The following FAM107B variants were observed in gnomAD, a reference collection of about 807,000 sequenced individuals.
FAM107B encodes family with sequence similarity 107 member B.
Under a neutral mutation model 31.5 loss-of-function variants are expected in FAM107B, and 21 were observed. The observed-to-expected ratio is 0.67, with a 90% confidence interval of 0.47 to 0.96. FAM107B has a LOEUF of 0.96. Ranked by LOEUF, FAM107B falls within the 40% of genes least tolerant of loss-of-function variation. The pLI is 0.00. For missense variants in FAM107B, 452 were observed against 377.1 expected, an observed-to-expected ratio of 1.20 and a Z score of -1.64; for synonymous variants, 157 against 141.5, an observed-to-expected ratio of 1.11 and a Z score of -0.78.
chr10:14,603,072 C>T (rs1852456657), intron 2 of FAM107B, among the ~76,000 whole-genome samples: 1 of 151,536 alleles, frequency 6.6e-6, no homozygotes, highest in Admixed American at 6.6e-5. Context: ...AGCAAAGATG[C>T]CTTCATCCTT....
At chr10:14,723,109 G>A in intron 1 of FAM107B, 1 of 389,756 alleles carries the variant, frequency 2.6e-6, no homozygotes, top group Non-Finnish European at 5.0e-6. Context: ...TTAAGAGATT[G>A]ATGTTTATTT....
chr10:14,653,801 G>A (rs1040378381), intron 2 of FAM107B: 1 of 152,182 alleles, frequency 6.6e-6, no homozygotes, highest in East Asian at 1.9e-4. Flanking sequence ...ACGCCCACAA[G>A]CTTGAGGCTA....
intron 1 of FAM107B, among the ~76,000 whole-genome samples, chr10:14,700,144 G>C (rs1053629463): frequency 5.9e-5 from 9 of 152,218 alleles, no homozygotes; most frequent in African/African-American, 2.2e-4. Context: ...TGTTGACCAG[G>C]CTGGTCTCAA....
intron 1 of FAM107B, among the ~76,000 whole-genome samples, chr10:14,689,974 A>G (rs1855088652): frequency 6.7e-6 from 1 of 149,592 alleles, no homozygotes; most frequent in Admixed American, 6.7e-5. Context: ...AGAAATAGAA[A>G]GAAAAAAAGA....
intron 2 of FAM107B, among the ~76,000 whole-genome samples, chr10:14,541,622 C>T (rs908336792): frequency 1.3e-5 from 2 of 152,208 alleles, no homozygotes; most frequent in South Asian, 4.1e-4. Context: ...CCACTGGACG[C>T]CCCTTGCCTC....
At chr10:14,772,727 C>G (rs2688871) in intron 1 of FAM107B, among the ~76,000 whole-genome samples, 1 of 152,036 alleles carries the variant, frequency 6.6e-6, no homozygotes, top group Non-Finnish European at 1.5e-5. Flanking sequence ...ACGCTGTGGA[C>G]CACCCATGGC....
chr10:14,584,683 C>T (rs892196546), intron 2 of FAM107B, among the ~76,000 whole-genome samples: 3 of 152,124 alleles, frequency 2.0e-5, no homozygotes, highest in African/African-American at 7.2e-5. Flanking sequence ...AGGCAGGGAA[C>T]CTAAGGCCGA....
intron 1 of FAM107B, among the ~76,000 whole-genome samples, chr10:14,671,905 C>CAAAAAAAAAAAA (rs1564621080): frequency 7.3e-6 from 1 of 137,790 alleles, no homozygotes; most frequent in African/African-American, 2.9e-5. Flanking sequence ...AAAAAAAAAC[C>CAAAAAAAAAAAA]CTCTATTTCT....
chr10:14,532,923 G>A (rs537654281), intron 2 of FAM107B, among the ~76,000 whole-genome samples: 3 of 152,170 alleles, frequency 2.0e-5, no homozygotes, highest in African/African-American at 4.8e-5. Context: ...GATCAGCAGC[G>A]AGAAGAGCGC....
At chr10:14,741,809 C>T (rs1334224414) in intron 1 of FAM107B, among the ~76,000 whole-genome samples, 1 of 150,422 alleles carries the variant, frequency 6.6e-6, no homozygotes, top group Non-Finnish European at 1.5e-5. Flanking sequence ...CAAGCTCCGC[C>T]TCCTGGGTTC....
chr10:14,567,621 G>T (rs1564573882), intron 2 of FAM107B, among the ~76,000 whole-genome samples: 1 of 152,166 alleles, frequency 6.6e-6, no homozygotes, highest in African/African-American at 2.4e-5. Context: ...CCCCAGGAGA[G>T]TGAAGTAAGG....
At chr10:14,527,084 G>A (rs1267289555) in intron 3 of FAM107B, among the ~76,000 whole-genome samples, 3 of 151,496 alleles carry the variant, frequency 2.0e-5, no homozygotes, top group South Asian at 4.2e-4. Flanking sequence ...TGATCCACCC[G>A]CCTCGGCCTC....
chr10:14,689,578 A>C (rs1855078076), intron 1 of FAM107B, among the ~76,000 whole-genome samples: 1 of 152,106 alleles, frequency 6.6e-6, no homozygotes, highest in African/African-American at 2.4e-5. Context: ...GACACATGCC[A>C]GTTAGGTGGA....
intron 1 of FAM107B, among the ~76,000 whole-genome samples, chr10:14,722,487 A>G (rs1855934391): frequency 6.6e-6 from 1 of 151,968 alleles, no homozygotes; most frequent in Non-Finnish European, 1.5e-5. Context: ...AACATTTGTT[A>G]TTTATCTGTC....
chr10:14,572,911 C>T lies in FAM107B; in HGVS notation c.470-42396G>A, dbSNP rs144181736. On this transcript the variant is annotated intron_variant, in intron 2 of 4. Coordinates refer to ENST00000181796, the MANE Select transcript of FAM107B (RefSeq NM_031453.4). ...TGATCTCTGGGCTGAAGGATCCTCC[C>T]CTCTAAAACAAGGAGTTTCCTTCCA... Among the ~76,000 whole-genome samples the T allele has an allele frequency of 1.6e-3, 236 of 151,664 alleles. 1 individual carries two copies. The highest frequency in any genetic ancestry group is 5.5e-3 in the African/African-American group (226 of 41,290).
At chr10:14,669,241 C>G (rs1854481609) in intron 1 of FAM107B, among the ~76,000 whole-genome samples, 2 of 151,732 alleles carry the variant, frequency 1.3e-5, no homozygotes, top group African/African-American at 4.8e-5. Flanking sequence ...GTGGTTTTGC[C>G]TGCCTGTAAA....
intron 1 of FAM107B, among the ~76,000 whole-genome samples, chr10:14,671,620 C>G (rs528592698): frequency 6.6e-6 from 1 of 152,118 alleles, no homozygotes; most frequent in African/African-American, 2.4e-5. Context: ...CTCTGGACTT[C>G]TGGGAAAATG....
intron 2 of FAM107B, among the ~76,000 whole-genome samples, chr10:14,619,257 A>G (rs1852933524): frequency 6.6e-6 from 1 of 152,206 alleles, no homozygotes; most frequent in Non-Finnish European, 1.5e-5. Context: ...CAGTCGGTGT[A>G]CATTTCACTT....
At chr10:14,688,450 C>T (rs1855044131) in intron 1 of FAM107B, among the ~76,000 whole-genome samples, 1 of 152,176 alleles carries the variant, frequency 6.6e-6, no homozygotes, top group Non-Finnish European at 1.5e-5. Context: ...CACACACAGG[C>T]ATGCATACAC....
Sources: allele counts gnomAD v4.1 joint callset (sites outside exome capture counted in the v4.1 genomes callset), GRCh38; gene constraint gnomAD v4.1.1; transcripts MANE v1.5; gene names NCBI Gene and HGNC (gene_info 2026-07-23, HGNC 2026-07-21).